Variants in KATNIP observed in about 807,000 individuals in gnomAD.
KATNIP encodes the protein katanin interacting protein, also known as katanin-interacting protein.
In KATNIP, 126 loss-of-function variants were observed where a neutral mutation model predicts 174.0. The observed-to-expected ratio is 0.72, with a 90% confidence interval of 0.63 to 0.84. The LOEUF (loss-of-function observed/expected upper bound fraction) is 0.84. Among genes scored for constraint, KATNIP ranks in the 40% least tolerant of loss-of-function variants. The probability of loss-of-function intolerance (pLI) is 0.00; values close to 1 mark genes in which losing one functional copy is unlikely to be tolerated. For synonymous variants in KATNIP, 810 were observed against 835.7 expected (o/e 0.97, Z 0.53); for missense variants, 1,958 against 2,109.7 (o/e 0.93, Z 1.41).
At chr16:27,760,121 C>T (rs1425698821) in intron 18 of KATNIP, among the ~76,000 whole-genome samples, 1 of 152,198 alleles carries the variant, frequency 6.6e-6, no homozygotes, top group African/African-American at 2.4e-5. Flanking sequence ...CCTTTCACCT[C>T]TCTGGGCTTC....
At chr16:27,616,001 A>G (rs1016182811) in intron 2 of KATNIP, among the ~76,000 whole-genome samples, 2 of 152,202 alleles carry the variant, frequency 1.3e-5, no homozygotes, top group South Asian at 4.1e-4. Context: ...CTTAATCCCC[A>G]TAACTTGCTA....
intron 5 of KATNIP, among the ~76,000 whole-genome samples, chr16:27,647,993 C>T (rs2077007856): frequency 6.6e-6 from 1 of 152,120 alleles, no homozygotes; most frequent in Admixed American, 6.6e-5. Context: ...TAGAAGTCTA[C>T]TGATAAAGAA....
At chr16:27,673,264 C>T (rs1053418381) in intron 6 of KATNIP, among the ~76,000 whole-genome samples, 5 of 152,196 alleles carry the variant, frequency 3.3e-5, no homozygotes, top group African/African-American at 1.2e-4. Flanking sequence ...AAAATGTTTT[C>T]TAGAGTACAG....
Position 27,740,234 on chromosome 16 carries a change from T to C in KATNIP, c.1937T>C (p.Met646Thr). ...HSEESKGTHE[M>T]AGASGDKELG... ...GAAGAAAGCAAAGGCACCCATGAGA[T>C]GGCTGGTGCCAGCGGGGACAAGGAG... Residue 646 changes from methionine (M) to threonine (T), a missense_variant, in exon 15 of 28, where the codon ATG becomes ACG. Physicochemically the swap from Met to Thr is moderately conservative, Grantham distance 81. Coordinates refer to ENST00000261588, the MANE Select transcript of KATNIP (RefSeq NM_015202.5). The C allele has an allele frequency of 6.2e-7, 1 of 1,614,142 alleles. No homozygotes were observed. The highest frequency in any genetic ancestry group is 8.5e-7 in the Non-Finnish European group (1 of 1,180,004).
intron 12 of KATNIP, among the ~76,000 whole-genome samples, chr16:27,707,198 C>T (rs1409327950): frequency 6.6e-6 from 1 of 152,220 alleles, no homozygotes; most frequent in Non-Finnish European, 1.5e-5. Context: ...GCTTGGCTCC[C>T]TGCTCACAGA....
intron 14 of KATNIP, 32 bp from the exon 15 acceptor site, chr16:27,740,009 C>T: frequency 6.3e-7 from 1 of 1,583,406 alleles, no homozygotes; most frequent in Admixed American, 1.8e-5. Context: ...TGATGCTATG[C>T]ATCTTCACTT....
intron 13 of KATNIP, among the ~76,000 whole-genome samples, chr16:27,719,846 T>A (rs964791827): frequency 6.6e-6 from 1 of 151,928 alleles, no homozygotes; most frequent in African/African-American, 2.4e-5. Context: ...ATTTTTAAAA[T>A]TTTTTTGTAG....
chr16:27,685,892 C>T (rs1479423027), intron 8 of KATNIP, among the ~76,000 whole-genome samples: 1 of 152,132 alleles, frequency 6.6e-6, no homozygotes, highest in Non-Finnish European at 1.5e-5. Flanking sequence ...CCAGAGTTAC[C>T]GTTAGAAATC....
chr16:27,729,340 G>A (rs1871672), intron 14 of KATNIP, among the ~76,000 whole-genome samples: 28,049 of 152,118 alleles, frequency 0.18, 2,966 homozygotes, highest in African/African-American at 0.29. Flanking sequence ...GACTGTCCTC[G>A]TGAAAGCTGC....
chr16:27,742,974 A>G (rs2081163132), intron 15 of KATNIP, among the ~76,000 whole-genome samples: 1 of 152,162 alleles, frequency 6.6e-6, no homozygotes, highest in African/African-American at 2.4e-5. Context: ...TAAGGCCAGC[A>G]TGCATTAGCT....
At chr16:27,602,349 C>A (rs879358494) in intron 2 of KATNIP, among the ~76,000 whole-genome samples, 1 of 152,198 alleles carries the variant, frequency 6.6e-6, no homozygotes, top group South Asian at 2.1e-4. Context: ...GTCTGCAAGG[C>A]CTGGCAGCCT....
intron 2 of KATNIP, among the ~76,000 whole-genome samples, chr16:27,575,246 G>A (rs1460774235): frequency 1.3e-5 from 2 of 152,224 alleles, no homozygotes; most frequent in South Asian, 2.1e-4. Context: ...CTTGAAGGAT[G>A]ACTAGGAGTT....
chr16:27,778,307 C>G (rs1387247618), intron 27 of KATNIP, among the ~76,000 whole-genome samples: 1 of 152,224 alleles, frequency 6.6e-6, no homozygotes, highest in Non-Finnish European at 1.5e-5. Context: ...AAGGTGAGGG[C>G]TTCCCGGAGG....
intron 8 of KATNIP, 120 bp downstream of exon 8, chr16:27,681,650 G>A: frequency 9.1e-7 from 1 of 1,102,196 alleles, no homozygotes; most frequent in Non-Finnish European, 1.4e-6. Context: ...CTGCCCTTTA[G>A]CAAATGTATT....
rs533448498 is a variant in KATNIP at position 27,620,294 on chromosome 16, G to C, written c.140+1793G>C. Reference sequence around the variant, plus strand: ...TCCAGTGGAGACTTGTGAAGAATGGGAATCCCCCTGAGCCATCGTCGGTGA... The same window carrying C: ...TCCAGTGGAGACTTGTGAAGAATGGCAATCCCCCTGAGCCATCGTCGGTGA... On this transcript the variant is annotated intron_variant, in intron 3 of 27. Coordinates refer to ENST00000261588, the MANE Select transcript of KATNIP (RefSeq NM_015202.5). Among the ~76,000 whole-genome samples, 4 of 152,310 alleles carry C rather than the reference G, an allele frequency of 2.6e-5. No homozygotes were observed. The East Asian group carries it at 7.7e-4, about 29-fold the overall frequency.
intron 15 of KATNIP, among the ~76,000 whole-genome samples, chr16:27,747,844 G>A (rs546137417): frequency 2.0e-5 from 3 of 152,146 alleles, no homozygotes; most frequent in Admixed American, 6.5e-5. Context: ...GGAGCGGGTC[G>A]CCTTCCTGTT....
chr16:27,777,179 AC>A lies in KATNIP; in HGVS notation c.4551+153del. 1 of 625,556 alleles carries A rather than the reference AC, an allele frequency of 1.6e-6. No homozygotes were observed. The highest frequency in any genetic ancestry group is 1.9e-5 in the South Asian group (1 of 52,288). The allele number at this position is 625,556 out of a possible 1,614,324, so 38.8% of individuals were successfully genotyped here. On this transcript the variant is annotated intron_variant, in intron 25 of 27. Coordinates refer to ENST00000261588, the MANE Select transcript of KATNIP (RefSeq NM_015202.5). This position sits in a 1 kb window ranked among gnomAD's most constrained non-coding sequence, Gnocchi z 4.4. ...GTCGTCAGATGCAGGCGAATTTCCC[AC>A]CCAACCATGAATTCAGAACCTGCTG...
In KATNIP at chr16:27,637,735, C is replaced by G. The variant is rs1249201979; in HGVS notation, c.408+6573C>G. 1.3e-5 allele frequency among the ~76,000 whole-genome samples: 2 copies of G among 152,158 alleles called. No homozygotes were observed. Among genetic ancestry groups the G allele is most frequent in the Non-Finnish European group, 2.9e-5 (2 of 68,028 alleles). ...GTGTCAGGGTTGCAAGTAGGAAGAA[C>G]CGGCCATGCAGGGCCTAGAAGACCA... On this transcript the variant is annotated intron_variant, in intron 5 of 27. Transcript: ENST00000261588. This position sits in a 1 kb window ranked among gnomAD's most constrained non-coding sequence, Gnocchi z 4.7.
At chr16:27,745,017 G>A (rs1211848897) in intron 15 of KATNIP, among the ~76,000 whole-genome samples, 2 of 152,138 alleles carry the variant, frequency 1.3e-5, no homozygotes, top group Non-Finnish European at 2.9e-5. Flanking sequence ...AGCAGGATCC[G>A]ATCTCTTTAA....
Sources: gnomAD v4.1 joint callset for allele counts (sites outside exome capture counted in the v4.1 genomes callset) on GRCh38, gnomAD v4.1.1 for gene constraint, Gnocchi (gnomAD v3.1) non-coding constraint, MANE v1.5 for transcripts, NCBI Gene and HGNC (gene_info 2026-07-23, HGNC 2026-07-21) for gene names.